GRM3: variants seen among roughly 807,000 people sequenced by gnomAD.
The protein encoded by GRM3 is metabotropic glutamate receptor 3.
GRM3 carries 26 observed loss-of-function variants against 70.5 expected under a neutral mutation model. The ratio of observed to expected loss-of-function variants is 0.37; its 90% CI spans 0.27 to 0.51. The LOEUF (loss-of-function observed/expected upper bound fraction) is 0.51. Ranked by LOEUF, GRM3 falls within the 20% of genes least tolerant of loss-of-function variation. The probability of loss-of-function intolerance (pLI) is 0.93; values close to 1 mark genes in which losing one functional copy is unlikely to be tolerated. For missense variants in GRM3, 859 were observed against 1,123.8 expected (o/e 0.76, Z 3.37); for synonymous variants, 443 against 434.9 (o/e 1.02, Z -0.23).
At chr7:86,700,200 C>T (rs1405874) in intron 1 of GRM3, among the ~76,000 whole-genome samples, 42,331 of 151,808 alleles carry the variant, frequency 0.28, 7,792 homozygotes, top group East Asian at 0.71. Context: ...GACAGGAATA[C>T]CTAAATCTGC....
At chr7:86,810,571 G>A (rs1459585187) in intron 3 of GRM3, among the ~76,000 whole-genome samples, 1 of 151,936 alleles carries the variant, frequency 6.6e-6, no homozygotes, top group African/African-American at 2.4e-5. Context: ...GTTTAAAACT[G>A]TCTTCTTTCT....
chr7:86,782,706 C>T (rs1797105907), intron 2 of GRM3, among the ~76,000 whole-genome samples: 1 of 152,186 alleles, frequency 6.6e-6, no homozygotes. Flanking sequence ...GTTCTTCTAA[C>T]ACCAAAATCC....
intron 3 of GRM3, among the ~76,000 whole-genome samples, chr7:86,820,167 G>T (rs970530693): frequency 2.0e-5 from 3 of 152,136 alleles, no homozygotes; most frequent in African/African-American, 7.2e-5. Flanking sequence ...AAGGCATCTG[G>T]CTCATAGCAT....
intron 1 of GRM3, among the ~76,000 whole-genome samples, chr7:86,729,613 T>C (rs1412674415): frequency 6.6e-6 from 1 of 152,230 alleles, no homozygotes. Flanking sequence ...AGAAAATTAA[T>C]ATATACGCAT....
chr7:86,739,987 G>A (rs1469820415), intron 1 of GRM3, among the ~76,000 whole-genome samples: 1 of 152,170 alleles, frequency 6.6e-6, no homozygotes, highest in African/African-American at 2.4e-5. Context: ...GTGTTAATAA[G>A]ATGTGCGTGC....
chr7:86,764,950 T>G, intron 1 of GRM3, 56 bp from the exon 2 acceptor site: 6 of 1,273,524 alleles, frequency 4.7e-6, no homozygotes, highest in South Asian at 3.5e-5. Flanking sequence ...GCATGATCGA[T>G]GTAATCACTG....
At chr7:86,812,915 A>G (rs765342813) in intron 3 of GRM3, among the ~76,000 whole-genome samples, 4 of 151,656 alleles carry the variant, frequency 2.6e-5, no homozygotes, top group Non-Finnish European at 5.9e-5. Context: ...GAACAACTAA[A>G]CTTCTCAGTA....
intron 1 of GRM3, among the ~76,000 whole-genome samples, chr7:86,712,811 T>A (rs569883579): frequency 6.6e-6 from 1 of 152,250 alleles, no homozygotes; most frequent in East Asian, 1.9e-4. Context: ...AATAACAGAA[T>A]TTCATTATTT....
chr7:86,843,613 T>G (rs1798599338), intron 4 of GRM3, among the ~76,000 whole-genome samples: 1 of 152,172 alleles, frequency 6.6e-6, no homozygotes. Flanking sequence ...CATGTTTGAG[T>G]GGAAAGTTAT....
rs572033886 is a variant in GRM3 at position 86,736,437 on chromosome 7, A to G, written c.-140-28569A>G. Among the ~76,000 whole-genome samples, 7 of 152,324 alleles carry G rather than the reference A, an allele frequency of 4.6e-5. No individual in the cohort carries two copies. The South Asian group carries it at 1.5e-3, about 32-fold the overall frequency. ...GTAACAAACAAATCCCAAAATAAAT[A>G]ATGTCTCAACACAAAAGAAAGTTAC... On this transcript the variant is annotated intron_variant, in intron 1 of 5. Coordinates refer to ENST00000361669, the MANE Select transcript of GRM3 (RefSeq NM_000840.3).
chr7:86,659,667 A>G (rs576706909), intron 1 of GRM3, among the ~76,000 whole-genome samples: 2 of 152,238 alleles, frequency 1.3e-5, no homozygotes, highest in South Asian at 4.1e-4. Context: ...AATGGAAGTT[A>G]GTAGTATAGT....
At chr7:86,818,451 C>A (rs1293974759) in intron 3 of GRM3, among the ~76,000 whole-genome samples, 1 of 152,038 alleles carries the variant, frequency 6.6e-6, no homozygotes. Flanking sequence ...GATTCTGAGA[C>A]TTTCACTTAC....
At chr7:86,812,786 A>C (rs555180266) in intron 3 of GRM3, among the ~76,000 whole-genome samples, 1 of 151,788 alleles carries the variant, frequency 6.6e-6, no homozygotes, top group African/African-American at 2.4e-5. Flanking sequence ...AGTGGAAATG[A>C]TAGGATTGTT....
At chr7:86,727,285 T>C (rs1795614374) in intron 1 of GRM3, among the ~76,000 whole-genome samples, 1 of 152,174 alleles carries the variant, frequency 6.6e-6, no homozygotes, top group Non-Finnish European at 1.5e-5. Context: ...CATTGTGGTC[T>C]ACTCCCTAGC....
intron 3 of GRM3, among the ~76,000 whole-genome samples, chr7:86,817,212 C>G (rs1487050388): frequency 6.6e-6 from 1 of 151,856 alleles, no homozygotes; most frequent in East Asian, 1.9e-4. Context: ...ATAGCTTTCT[C>G]CAAGAAACCT....
At chr7:86,768,560 C>A (rs1284926548) in intron 2 of GRM3, among the ~76,000 whole-genome samples, 2 of 152,086 alleles carry the variant, frequency 1.3e-5, no homozygotes. Context: ...TAAGAAATGA[C>A]CTTTAGAAAG....
chr7:86,701,806 G>A (rs1019987640), intron 1 of GRM3, among the ~76,000 whole-genome samples: 2 of 151,906 alleles, frequency 1.3e-5, no homozygotes, highest in Non-Finnish European at 2.9e-5. Flanking sequence ...TGGCTTCCCT[G>A]AATTTGCAAG....
intron 1 of GRM3, among the ~76,000 whole-genome samples, chr7:86,688,066 TAA>T (rs890982156): frequency 6.6e-6 from 1 of 151,432 alleles, no homozygotes; most frequent in African/African-American, 2.4e-5. Context: ...ACTCTCAAAA[TAA>T]AAAAAATCTG....
chr7:86,677,044 A>G (rs1794323720), intron 1 of GRM3, among the ~76,000 whole-genome samples: 1 of 152,016 alleles, frequency 6.6e-6, no homozygotes, highest in Admixed American at 6.6e-5. Flanking sequence ...CATATCATGT[A>G]TATTAAATAC....
Sources: gnomAD v4.1 joint callset for allele counts (sites outside exome capture counted in the v4.1 genomes callset) on GRCh38, gnomAD v4.1.1 for gene constraint, MANE v1.5 for transcripts, NCBI Gene and HGNC (gene_info 2026-07-23, HGNC 2026-07-21) for gene names.